Variants in SDSL observed in about 807,000 individuals in gnomAD.
SDSL encodes serine dehydratase-like.
Under a neutral mutation model 27.6 loss-of-function variants are expected in SDSL, and 26 were observed. That is an observed-to-expected ratio of 0.94 (90% CI 0.69 to 1.31). The LOEUF (loss-of-function observed/expected upper bound fraction) is 1.31. Among genes scored for constraint, SDSL ranks in the 50% most tolerant of loss-of-function variants. The probability of loss-of-function intolerance (pLI) is 0.00; values close to 1 mark genes in which losing one functional copy is unlikely to be tolerated. For missense variants in SDSL, 431 were observed against 423.5 expected, an observed-to-expected ratio of 1.02 and a Z score of -0.16; for synonymous variants, 196 against 180.6, an observed-to-expected ratio of 1.09 and a Z score of -0.69.
At chr12:113,434,085 A>G in intron 4 of SDSL, 49 bp from the exon 5 acceptor site, 2 of 1,508,758 alleles carry the variant, frequency 1.3e-6, no homozygotes, top group Admixed American at 1.7e-5. Flanking sequence ...TCCGGCCTCC[A>G]TAGCAGTCCC....
chr12:113,430,580 G>A (rs905641775), intron 4 of SDSL, among the ~76,000 whole-genome samples: 1 of 152,280 alleles, frequency 6.6e-6, no homozygotes, highest in African/African-American at 2.4e-5. Flanking sequence ...GCAATGGCAA[G>A]AGGGGTGAGA....
chr12:113,435,782 A>G (rs1378453238), intron 6 of SDSL, among the ~76,000 whole-genome samples: 3 of 152,234 alleles, frequency 2.0e-5, no homozygotes, highest in Admixed American at 6.5e-5. Flanking sequence ...GCTTTCATTG[A>G]CTTATCATTA....
intron 4 of SDSL, among the ~76,000 whole-genome samples, 176 bp downstream of exon 4, chr12:113,429,475 A>AT (rs1198985303): frequency 6.6e-6 from 1 of 152,110 alleles, no homozygotes; most frequent in African/African-American, 2.4e-5. Context: ...GAGGGCTGGG[A>AT]TCTCCCAACT....
intron 1 of SDSL, chr12:113,426,155 G>T: frequency 2.2e-6 from 1 of 454,372 alleles, no homozygotes; most frequent in Admixed American, 2.4e-5. Flanking sequence ...CTCACCTCCT[G>T]CCCCAAACCC....
chr12:113,424,727 TTC>T (rs569248111), intron 1 of SDSL, among the ~76,000 whole-genome samples: 1 of 151,566 alleles, frequency 6.6e-6, no homozygotes. Context: ...ACAGATGTTA[TTC>T]TCTCTCTCTC....
intron 6 of SDSL, among the ~76,000 whole-genome samples, chr12:113,436,062 T>C (rs898219838): frequency 6.6e-6 from 1 of 152,168 alleles, no homozygotes; most frequent in Non-Finnish European, 1.5e-5. Context: ...TTGAGGCTAT[T>C]GTGTGCTATG....
intron 2 of SDSL, 119 bp downstream of exon 2, chr12:113,428,275 A>T: frequency 7.7e-7 from 1 of 1,304,152 alleles, no homozygotes. Context: ...TGCAGATGGG[A>T]GGGGAAAGGT....
At position 113,432,867 on chromosome 12, in the gene SDSL, C is replaced by T. The variant is rs572484313; in HGVS notation, c.355-1267C>T. ...AGGACATGATCTTTTTTTGTGGCTG[C>T]GTAGTGTTCCATGATGTATATGCAC... is the stretch of plus-strand genomic sequence containing the variant. On this transcript the variant is annotated intron_variant, in intron 4 of 7. Transcript: ENST00000403593. Among the ~76,000 whole-genome samples, 5 of 152,266 alleles carry T rather than the reference C, an allele frequency of 3.3e-5. No individual in the cohort carries two copies. The East Asian group carries it at 5.8e-4, about 18-fold the overall frequency.
chr12:113,429,064 G>A, intron 3 of SDSL, 96 bp from the exon 4 acceptor site: 1 of 1,433,348 alleles, frequency 7.0e-7, no homozygotes, highest in Non-Finnish European at 9.5e-7. Context: ...ATGAATGTTG[G>A]GGACGAGTGA....
chr12:113,432,274 T>TTCTTTCTTTCTCTCTCTC (rs1957940524), intron 4 of SDSL, among the ~76,000 whole-genome samples: 5 of 89,360 alleles, frequency 5.6e-5, no homozygotes, highest in African/African-American at 1.6e-4. Flanking sequence ...CTTTCTTTCT[T>TTCTTTCTTTCTCTCTCTC]TCTTTCTTTC....
chr12:113,427,884 C>T (rs2136950889), intron 1 of SDSL, 78 bp from the exon 2 acceptor site: 1 of 1,363,376 alleles, frequency 7.3e-7, no homozygotes, highest in Non-Finnish European at 9.9e-7. Flanking sequence ...AGGGCTTTCT[C>T]CACCTTCCCC....
chr12:113,436,123 C>A (rs1368999131), intron 6 of SDSL, among the ~76,000 whole-genome samples: 3 of 152,130 alleles, frequency 2.0e-5, no homozygotes, highest in Non-Finnish European at 2.9e-5. Flanking sequence ...CTTAGCAAGA[C>A]CCTGTCCTCC....
Position 113,435,321 on chromosome 12 carries a change from C to T in SDSL, c.444-8C>T, listed in dbSNP as rs1957974853. 1 of 1,493,352 alleles carries T rather than the reference C, an allele frequency of 6.7e-7. No individual in the cohort carries two copies. Among genetic ancestry groups the T allele is most frequent in the Non-Finnish European group, 8.9e-7 (1 of 1,117,546 alleles). 92.5% of individuals were successfully genotyped at this position (1,493,352 alleles called of 1,614,324 possible). On this transcript the variant is annotated splice_region_variant and splice_polypyrimidine_tract_variant and intron_variant, in intron 5 of 7. Transcript: ENST00000403593. ...ACTCTGCTTCTCCCTCTCACCCCCC[C>T]TCCCCAGGAAAGGCCACGCCAGCCT...
intron 6 of SDSL, 67 bp from the exon 7 acceptor site, chr12:113,436,684 G>C: frequency 6.9e-7 from 1 of 1,458,402 alleles, no homozygotes; most frequent in Non-Finnish European, 9.0e-7. Context: ...GGGCTGGGGA[G>C]AGACCTGTTT....
intron 4 of SDSL, among the ~76,000 whole-genome samples, chr12:113,429,582 A>G (rs1957894831): frequency 6.6e-6 from 1 of 152,186 alleles, no homozygotes; most frequent in African/African-American, 2.4e-5. Flanking sequence ...TTATATCCTC[A>G]CCAGCACCTG....
chr12:113,434,074 C>A, intron 4 of SDSL, 60 bp from the exon 5 acceptor site: 1 of 1,421,174 alleles, frequency 7.0e-7, no homozygotes, highest in Non-Finnish European at 9.8e-7. Context: ...TGGGCCTCTG[C>A]TCCGGCCTCC....
At chr12:113,433,864 C>T (rs963865394) in intron 4 of SDSL, among the ~76,000 whole-genome samples, 1 of 152,228 alleles carries the variant, frequency 6.6e-6, no homozygotes, top group Admixed American at 6.5e-5. Context: ...CGCTCCCAGC[C>T]TCCCTGGCTG....
chr12:113,432,226 TTC>T (rs1430034813), intron 4 of SDSL, among the ~76,000 whole-genome samples: 1 of 29,462 alleles, frequency 3.4e-5, no homozygotes. Flanking sequence ...CTTTCTTTCT[TTC>T]TTTCTTTCTT....
rs1565878034 is a variant in SDSL at position 113,429,248 on chromosome 12, G to T, written c.303G>T (p.Gln101His). 1.2e-6 allele frequency: 2 copies of T among 1,613,780 alleles called. No individual in the cohort carries two copies. The highest frequency in any genetic ancestry group is 1.7e-6 in the Non-Finnish European group (2 of 1,179,760). Reference protein sequence around the residue: ...TIVLPESTSLQVVQRLQGEGA... With the variant: ...TIVLPESTSLHVVQRLQGEGA... Reference sequence around the variant, plus strand: ...TGCTCCCCGAGAGCACCTCCCTGCAGGTGGTGCAGAGGCTGCAGGGGGAGG... The same window carrying T: ...TGCTCCCCGAGAGCACCTCCCTGCATGTGGTGCAGAGGCTGCAGGGGGAGG... The change falls in exon 4 of 8, where the codon CAG becomes CAT. Residue 101 changes from glutamine to histidine, a missense_variant. Gln to His is a conservative substitution (Grantham distance 24). Coordinates refer to ENST00000403593, the MANE Select transcript of SDSL (RefSeq NM_001304993.2).
Sources: gnomAD v4.1 joint callset for allele counts (sites outside exome capture counted in the v4.1 genomes callset) on GRCh38, gnomAD v4.1.1 for gene constraint, MANE v1.5 for transcripts, NCBI Gene and HGNC (gene_info 2026-07-23, HGNC 2026-07-21) for gene names.